USB1: variants seen among roughly 807,000 people sequenced by gnomAD.
USB1 encodes U6 snRNA biogenesis phosphodiesterase 1.
USB1 carries 21 observed loss-of-function variants against 29.9 expected under a neutral mutation model. The ratio of observed to expected loss-of-function variants is 0.70; its 90% confidence interval spans 0.50 to 1.01. USB1 has a LOEUF of 1.01. Ranked by LOEUF, USB1 falls within the 50% of genes least tolerant of loss-of-function variation. USB1 has a pLI of 0.00. For synonymous variants in USB1, 143 were observed against 134.9 expected (o/e 1.06, Z -0.42); for missense variants, 330 against 347.1 (o/e 0.95, Z 0.39).
At chr16:58,010,300 C>A in intron 3 of USB1, 188 bp downstream of exon 3, 2 of 658,712 alleles carry the variant, frequency 3.0e-6, no homozygotes, top group East Asian at 2.8e-5. Context: ...GCTCTTGACA[C>A]CCCTGATGCC....
intron 3 of USB1, chr16:58,012,542 C>T (rs1963520539): frequency 7.4e-7 from 1 of 1,353,204 alleles, no homozygotes; most frequent in Non-Finnish European, 9.8e-7. Flanking sequence ...GCCACCGCAT[C>T]TCCCGGCTAA....
At chr16:58,011,792 G>GTGGCTTCTCTCTGAAT (rs1963502903) in intron 3 of USB1, 1 of 988,038 alleles carries the variant, frequency 1.0e-6, no homozygotes, top group African/African-American at 1.7e-5. Flanking sequence ...GGCCAGGACT[G>GTGGCTTCTCTCTGAAT]TGGCTTCTCT....
intron 4 of USB1, among the ~76,000 whole-genome samples, chr16:58,014,669 G>A (rs1270358353): frequency 6.6e-6 from 1 of 152,158 alleles, no homozygotes; most frequent in Non-Finnish European, 1.5e-5. Context: ...TGTAGTTCCA[G>A]CTACTTGGGA....
At chr16:58,019,536 C>T (rs138848682) in intron 6 of USB1, among the ~76,000 whole-genome samples, 15 of 152,176 alleles carry the variant, frequency 9.9e-5, no homozygotes, top group African/African-American at 3.1e-4. Context: ...ATTCCACTTT[C>T]CCATCTGCGC....
upstream of USB1, chr16:58,001,253 G>C (rs1963176195): frequency 1.6e-6 from 1 of 614,122 alleles, no homozygotes; most frequent in Admixed American, 2.7e-5. Flanking sequence ...GTCCCAGCGG[G>C]GTGCCGGGAG....
At chr16:58,012,408 G>GT (rs1963515989) in intron 3 of USB1, 1 of 1,401,980 alleles carries the variant, frequency 7.1e-7, no homozygotes. Context: ...AGATTCAGAG[G>GT]TAGCACTGGC....
intron 4 of USB1, 70 bp downstream of exon 4, chr16:58,014,396 C>T: frequency 2.2e-6 from 3 of 1,382,862 alleles, no homozygotes; most frequent in Non-Finnish European, 3.1e-6. Flanking sequence ...TGCTTTGTTT[C>T]TGGACTTGTT....
At chr16:58,004,881 C>T (rs1490936092) in intron 2 of USB1, among the ~76,000 whole-genome samples, 3 of 152,064 alleles carry the variant, frequency 2.0e-5, no homozygotes, top group Non-Finnish European at 4.4e-5. Context: ...TACCAAGACG[C>T]GGAGACCGGT....
chr16:58,001,461 C>T lies in USB1; in HGVS notation c.-23C>T. 1 of 1,584,080 alleles carries T rather than the reference C, an allele frequency of 6.3e-7. No homozygotes were observed. Among genetic ancestry groups the T allele is most frequent in the Non-Finnish European group, 8.6e-7 (1 of 1,166,096 alleles). On this transcript the variant is annotated 5_prime_UTR_variant, in exon 1 of 7. Transcript: ENST00000219281. ...GGTTGAGGTTGCTGGTGGACCTGCT[C>T]TGGTGGTCTTGGATGAGGCCCCATG...
intron 2 of USB1, among the ~76,000 whole-genome samples, chr16:58,005,507 C>G (rs541450246): frequency 6.6e-6 from 1 of 152,278 alleles, no homozygotes; most frequent in African/African-American, 2.4e-5. Context: ...CACTATGTCC[C>G]CTCAGCTCCT....
At chr16:58,017,237 A>G (rs1963636941) in intron 4 of USB1, 97 bp from the exon 5 acceptor site, 2 of 1,086,226 alleles carry the variant, frequency 1.8e-6, no homozygotes, top group Non-Finnish European at 2.9e-6. Context: ...CCCACGGCCC[A>G]GGCCTCTTGG....
At chr16:58,010,570 G>A in intron 3 of USB1, 1 of 260,272 alleles carries the variant, frequency 3.8e-6, no homozygotes, top group Non-Finnish European at 7.5e-6. Flanking sequence ...GAGCTCTCAG[G>A]TTACCCACAA....
intron 2 of USB1, among the ~76,000 whole-genome samples, chr16:58,004,233 C>T (rs1199848770): frequency 1.3e-5 from 2 of 152,094 alleles, no homozygotes; most frequent in Non-Finnish European, 1.5e-5. Context: ...TGCTTTTGCT[C>T]CTTTGCCAAA....
In USB1 at chr16:58,017,582, G is replaced by A. The variant is rs572155242; in HGVS notation, c.609+143G>A. On this transcript the variant is annotated intron_variant, in intron 5 of 6. Coordinates refer to ENST00000219281, the MANE Select transcript of USB1 (RefSeq NM_024598.4). ...CTCTGAATGCCAGCCTTCTGAGGAT[G>A]CACACCTCGGGGGGTGAGGGCTTTG... The A allele has an allele frequency of 5.2e-6, 4 of 771,686 alleles. No individual in the cohort carries two copies. In the South Asian group the frequency reaches 5.9e-5, roughly 11 times the overall value. 47.8% of individuals were successfully genotyped at this position (771,686 alleles called of 1,614,324 possible).
chr16:58,003,282 C>T (rs1963275879), intron 2 of USB1, among the ~76,000 whole-genome samples: 2 of 152,104 alleles, frequency 1.3e-5, no homozygotes, highest in South Asian at 4.1e-4. Context: ...AAAAAATTAG[C>T]CAGGTGTGGT....
rs1963245822 is a variant in USB1 at position 58,002,521 on chromosome 16, CAG to C, written c.142_143del (p.Ser48CysfsTer13). ...LPRQRFPVPD[S>X]VLNMFPGTEE... ...CCAGGCAGAGATTTCCAGTACCTGA[CAG>C]TGTGCTGAACATGTTCCCGGGCACC... On this transcript the variant is annotated frameshift_variant, in exon 2 of 7. Transcript: ENST00000219281. LOFTEE classifies it high-confidence loss of function. 6.2e-7 allele frequency: 1 copy of C among 1,613,986 alleles called. No individual in the cohort carries two copies. Among genetic ancestry groups the C allele is most frequent in the Admixed American group, 1.7e-5 (1 of 60,004 alleles).
At chr16:58,019,923 G>C (rs1047204554) in intron 6 of USB1, among the ~76,000 whole-genome samples, 1 of 152,074 alleles carries the variant, frequency 6.6e-6, no homozygotes, top group African/African-American at 2.4e-5. Context: ...GTGATCCAGG[G>C]CTCTGAGCAT....
In USB1 at chr16:58,013,313, C is replaced by G. The variant is rs1458617283; in HGVS notation, c.450-960C>G. 1.0e-6 allele frequency: 1 copy of G among 985,358 alleles called. No individual in the cohort carries two copies. The highest frequency in any genetic ancestry group is 1.7e-5 in the African/African-American group (1 of 57,236). 61.0% of individuals were successfully genotyped at this position (985,358 alleles called of 1,614,324 possible). A position where few individuals can be genotyped will look rare whatever the true frequency, so the allele number is the denominator to read the frequency against. On this transcript the variant is annotated intron_variant, in intron 3 of 6. Transcript: ENST00000219281. The surrounding 1 kb of genome is among the most constrained non-coding windows in gnomAD (Gnocchi z 4.3). ...AACTCTTCCTAAAAGCTGCACTTAA[C>G]CAAGCTCCTGGTGGTTCTGTGATCC...
In USB1 at chr16:58,020,909, G is replaced by C. The variant is rs575497717; in HGVS notation, c.*664G>C. ...GTTGTTACACAAAGAAAATATTGGG[G>C]TCACTGGCGAGCCCACCCACACTCA... On this transcript the variant is annotated 3_prime_UTR_variant, in exon 7 of 7. Transcript: ENST00000219281. The C allele has an allele frequency of 6.3e-6, 1 of 158,550 alleles. No homozygotes were observed. The highest frequency in any genetic ancestry group is 1.9e-4 in the East Asian group (1 of 5,372). The allele number at this position is 158,550 out of a possible 1,614,324, so 9.8% of individuals were successfully genotyped here. A position where few individuals can be genotyped will look rare whatever the true frequency, so the allele number is the denominator to read the frequency against.
Sources: allele counts gnomAD v4.1 joint callset (sites outside exome capture counted in the v4.1 genomes callset), GRCh38; gene constraint gnomAD v4.1.1; non-coding constraint Gnocchi (gnomAD v3.1); transcripts MANE v1.5; gene names NCBI Gene and HGNC (gene_info 2026-07-23, HGNC 2026-07-21).